MUC13: variants seen among roughly 807,000 people sequenced by gnomAD.
MUC13 encodes the protein mucin-13.
A neutral mutation model predicts 48.3 loss-of-function variants in MUC13; 32 were observed. The ratio of observed to expected loss-of-function variants is 0.66; its 90% CI spans 0.50 to 0.89. The LOEUF (loss-of-function observed/expected upper bound fraction) is 0.89. Among genes scored for constraint, MUC13 ranks in the 40% least tolerant of loss-of-function variants. The probability of loss-of-function intolerance (pLI) is 0.00; values close to 1 mark genes in which losing one functional copy is unlikely to be tolerated. For missense variants in MUC13, 571 were observed against 622.8 expected (o/e 0.92, Z 0.88); for synonymous variants, 199 against 224.9 (o/e 0.88, Z 1.03).
intron 7 of MUC13, 62 bp from the exon 8 acceptor site, chr3:124,913,302 A>G: frequency 6.3e-7 from 1 of 1,575,070 alleles, no homozygotes; most frequent in South Asian, 1.2e-5. Flanking sequence ...CCAAAGTCAC[A>G]TGTGACAACA....
At chr3:124,907,426 G>A (rs779525949) in intron 11 of MUC13, among the ~76,000 whole-genome samples, 1 of 152,088 alleles carries the variant, frequency 6.6e-6, no homozygotes, top group Non-Finnish European at 1.5e-5. Context: ...GACCAGCCTG[G>A]GCAACATGGC....
intron 8 of MUC13, 155 bp from the exon 9 acceptor site, chr3:124,912,296 T>A: frequency 8.7e-7 from 1 of 1,145,970 alleles, no homozygotes; most frequent in Non-Finnish European, 1.2e-6. Flanking sequence ...CCTTACACTC[T>A]CATTCTTCCA....
chr3:124,929,585 A>T (rs1230754264), intron 1 of MUC13, among the ~76,000 whole-genome samples: 1 of 152,238 alleles, frequency 6.6e-6, no homozygotes, highest in Non-Finnish European at 1.5e-5. Flanking sequence ...TGAAGAGATC[A>T]GCAATTGCTC....
chr3:124,907,826 A>C (rs7430813), intron 11 of MUC13, among the ~76,000 whole-genome samples: 1 of 151,960 alleles, frequency 6.6e-6, no homozygotes, highest in Non-Finnish European at 1.5e-5. Context: ...GAGAAGTGTC[A>C]TCATCATAAT....
At chr3:124,915,800 C>T (rs1935503502) in intron 6 of MUC13, among the ~76,000 whole-genome samples, 1 of 147,532 alleles carries the variant, frequency 6.8e-6, no homozygotes. Context: ...ATCCTCCCAC[C>T]TCAGCCTCCC....
At chr3:124,928,529 A>G (rs1411427485) in intron 1 of MUC13, among the ~76,000 whole-genome samples, 1 of 151,814 alleles carries the variant, frequency 6.6e-6, no homozygotes, top group African/African-American at 2.4e-5. Flanking sequence ...CAGTTGTAAC[A>G]CCTCCATGGC....
chr3:124,923,388 A>T, intron 3 of MUC13, 139 bp downstream of exon 3: 1 of 850,570 alleles, frequency 1.2e-6, no homozygotes, highest in Non-Finnish European at 1.8e-6. Flanking sequence ...ACTTTTCTCT[A>T]CTTTGCTGGC....
At position 124,910,465 on chromosome 3, in the gene MUC13, G is replaced by A. The variant is rs1251089216; in HGVS notation, c.1287C>T (p.Ile429=). The A allele has an allele frequency of 5.0e-6, 8 of 1,614,008 alleles. No homozygotes were observed. Among genetic ancestry groups the A allele is most frequent in the South Asian group, 3.3e-5 (3 of 91,086 alleles). The change falls in exon 10 of 12, where the codon ATC becomes ATT. Residue 429 remains isoleucine (I), a synonymous_variant. Coordinates refer to ENST00000616727, the MANE Select transcript of MUC13 (RefSeq NM_033049.4). ...TCATGCTGAGAATGACAATGCCAGC[G>A]ATGGTGCCCACAATAGTGAGGATCA... is the stretch of plus-strand genomic sequence containing the variant. ...FQLILTIVGT[I]AGIVILSMII...
Position 124,916,518 on chromosome 3 carries a change from C to T in MUC13, c.801-38G>A, listed in dbSNP as rs758420765. 11 of 1,569,172 alleles carry T rather than the reference C, an allele frequency of 7.0e-6. No individual in the cohort carries two copies. The East Asian group carries it at 1.8e-4, about 26-fold the overall frequency. On this transcript the variant is annotated intron_variant, in intron 5 of 11. Coordinates refer to ENST00000616727, the MANE Select transcript of MUC13 (RefSeq NM_033049.4). ...TGAATCTGTCACTTAATGAATTGAA[C>T]TGAAGAATCAACAAATAATTCTAAT...
intron 4 of MUC13, among the ~76,000 whole-genome samples, chr3:124,921,304 C>G (rs1386143309): frequency 2.0e-5 from 3 of 152,058 alleles, no homozygotes; most frequent in Non-Finnish European, 2.9e-5. Flanking sequence ...CGCCTGCCAC[C>G]ACGCCTGGCT....
In MUC13 at chr3:124,927,680, G is replaced by A. The variant is rs948400443; in HGVS notation, c.366C>T (p.Thr122=). 4 of 1,614,192 alleles carry A rather than the reference G, an allele frequency of 2.5e-6. No individual in the cohort carries two copies. The highest frequency in any genetic ancestry group is 2.5e-6 in the Non-Finnish European group (3 of 1,180,034). ...TTAATCCATCATTTGGAGATGAAGC[G>A]GTGATTATGTCAGAGGTAGCTAATG... ...VNSLATSDII[T]ASSPNDGLIT... Residue 122 remains threonine (T), a synonymous_variant, in exon 2 of 12, where the codon ACC becomes ACT. Coordinates refer to ENST00000616727, the MANE Select transcript of MUC13 (RefSeq NM_033049.4).
At chr3:124,912,069 T>C in intron 9 of MUC13, 35 bp downstream of exon 9, 4 of 1,606,864 alleles carry the variant, frequency 2.5e-6, no homozygotes, top group Non-Finnish European at 3.4e-6. Context: ...AGATGTTTAA[T>C]AACTTGTTTA....
At chr3:124,908,718 C>T (rs982922956) in intron 10 of MUC13, among the ~76,000 whole-genome samples, 1 of 152,194 alleles carries the variant, frequency 6.6e-6, no homozygotes, top group Admixed American at 6.5e-5. Flanking sequence ...CAATGCTGAT[C>T]CAACATAACA....
chr3:124,920,339 CA>C (rs778273357), intron 4 of MUC13, 50 bp from the exon 5 acceptor site: 2 of 1,385,958 alleles, frequency 1.4e-6, no homozygotes, highest in South Asian at 2.6e-5. Context: ...TTTTTTTTCA[CA>C]TTTTCTACAA....
At chr3:124,919,356 GTT>G (rs764689690) in intron 5 of MUC13, among the ~76,000 whole-genome samples, 16 of 123,690 alleles carry the variant, frequency 1.3e-4, no homozygotes, top group East Asian at 2.6e-4. Context: ...AAAAAAAATG[GTT>G]TTTTTTTTTT....
At position 124,906,717 on chromosome 3, in the gene MUC13, A is replaced by G. The variant is rs926112365; in HGVS notation, c.*26T>C. 11 of 152,354 alleles carry G rather than the reference A, an allele frequency of 7.2e-5. No homozygotes were observed. Among genetic ancestry groups the G allele is most frequent in the African/African-American group, 2.4e-4 (10 of 41,584 alleles). The allele number at this position is 152,354 out of a possible 1,614,324, so 9.4% of individuals were successfully genotyped here. A position where few individuals can be genotyped will look rare whatever the true frequency, so the allele number is the denominator to read the frequency against. ...ATAGCTTGTACATTGGTTGGGGGCCATGGCGGGTTCCACATTCTTATGATT... is the reference window on the plus strand; with the variant it reads ...ATAGCTTGTACATTGGTTGGGGGCCGTGGCGGGTTCCACATTCTTATGATT... On this transcript the variant is annotated 3_prime_UTR_variant, in exon 12 of 12. Coordinates refer to ENST00000616727, the MANE Select transcript of MUC13 (RefSeq NM_033049.4).
chr3:124,920,983 G>A (rs1462168161), intron 4 of MUC13, among the ~76,000 whole-genome samples: 1 of 152,236 alleles, frequency 6.6e-6, no homozygotes, highest in East Asian at 1.9e-4. Flanking sequence ...GTCACGTACT[G>A]GCTGGCTGTG....
At chr3:124,927,486 A>T in intron 2 of MUC13, 46 bp downstream of exon 2, 1 of 1,576,384 alleles carries the variant, frequency 6.3e-7, no homozygotes, top group South Asian at 1.1e-5. Context: ...TCCCTCCACA[A>T]TTGTACTCTC....
Position 124,913,152 on chromosome 3 carries a change from G to C in MUC13, c.1173C>G (p.Cys391Trp). 1 of 1,613,916 alleles carries C rather than the reference G, an allele frequency of 6.2e-7. No individual in the cohort carries two copies. The highest frequency in any genetic ancestry group is 8.5e-7 in the Non-Finnish European group (1 of 1,179,958). The stretch of plus-strand genomic sequence containing the variant: ...TAGCATCTTCCTGGTAGCCGGGCAC[G>C]CACGCACACTCAGGGGCCCCACCAC... ...KKSGGAPECA[C>W]VPGYQEDANG... The change falls in exon 8 of 12, where the codon TGC (cysteine) becomes TGG (tryptophan). Residue 391 changes from cysteine (C) to tryptophan (W), a missense_variant. Transcript: ENST00000616727.
Sources: gnomAD v4.1 joint callset for allele counts (sites outside exome capture counted in the v4.1 genomes callset) on GRCh38, gnomAD v4.1.1 for gene constraint, MANE v1.5 for transcripts, NCBI Gene and HGNC (gene_info 2026-07-23, HGNC 2026-07-21) for gene names.